The following GRIN2A variants were observed in gnomAD, a reference collection of about 807,000 sequenced individuals.
GRIN2A encodes glutamate receptor ionotropic, NMDA 2A.
GRIN2A carries 22 observed loss-of-function variants against 113.4 expected under a neutral mutation model. That is an observed-to-expected ratio of 0.19 (90% confidence interval 0.14 to 0.28). GRIN2A has a LOEUF of 0.28. Among genes scored for constraint, GRIN2A ranks in the 10% least tolerant of loss-of-function variants. The pLI, the probability that GRIN2A is intolerant of heterozygous loss-of-function variation, is 1.00. For missense variants in GRIN2A, 1,502 were observed against 1,887.0 expected (o/e 0.80, Z 3.78); for synonymous variants, 827 against 738.4 (o/e 1.12, Z -1.94).
At chr16:9,841,254 C>A (rs1056202456) in intron 5 of GRIN2A, 150 bp from the exon 6 acceptor site, 2 of 711,520 alleles carry the variant, frequency 2.8e-6, no homozygotes, top group Admixed American at 2.0e-5. Context: ...GAGTACATGA[C>A]AGCAAAAGCA....
intron 5 of GRIN2A, among the ~76,000 whole-genome samples, chr16:9,842,951 A>AGAGAGAG (rs1555495122): frequency 2.1e-5 from 3 of 145,138 alleles, no homozygotes; most frequent in African/African-American, 7.8e-5. Context: ...GAAAGAAAGA[A>AGAGAGAG]AGAGAGAGAG....
intron 2 of GRIN2A, among the ~76,000 whole-genome samples, chr16:10,163,561 C>T (rs1357501895): frequency 3.9e-5 from 6 of 152,224 alleles, no homozygotes; most frequent in East Asian, 1.9e-4. Context: ...GAAATGCTTC[C>T]GTTTTGCTTG....
intron 2 of GRIN2A, among the ~76,000 whole-genome samples, chr16:9,955,149 C>T (rs947208217): frequency 1.3e-5 from 2 of 152,214 alleles, no homozygotes; most frequent in African/African-American, 2.4e-5. Flanking sequence ...GCAGTGCTGA[C>T]CATTCAGTGT....
chr16:9,825,061 G>C (rs1021313219), intron 9 of GRIN2A, among the ~76,000 whole-genome samples: 1 of 152,178 alleles, frequency 6.6e-6, no homozygotes, highest in African/African-American at 2.4e-5. Context: ...CAAGACCACA[G>C]AACAATGTAA....
At position 9,758,405 on chromosome 16, in the gene GRIN2A, C is replaced by T. The variant is rs1240331631; in HGVS notation, c.*4744G>A. ...AAAGAAGGGGCCAAGAACGCCAACA[C>T]CCATATTCTACTTAGGCTCTGTCAT... is the stretch of plus-strand genomic sequence containing the variant. On this transcript the variant is annotated 3_prime_UTR_variant, in exon 13 of 13. Coordinates refer to ENST00000330684, the MANE Select transcript of GRIN2A (RefSeq NM_001134407.3). The T allele has an allele frequency of 4.5e-6, 1 of 222,742 alleles. No individual in the cohort carries two copies. The highest frequency in any genetic ancestry group is 2.2e-5 in the African/African-American group (1 of 44,750). 13.8% of individuals were successfully genotyped at this position (222,742 alleles called of 1,614,324 possible).
rs2141151325 is a variant in GRIN2A at position 9,769,060 on chromosome 16, G to A, written c.2386C>T (p.Leu796Phe). 6.2e-7 allele frequency: 1 copy of A among 1,613,918 alleles called. No individual in the cohort carries two copies. Among genetic ancestry groups the A allele is most frequent in the Non-Finnish European group, 8.5e-7 (1 of 1,179,794 alleles). The change falls in exon 12 of 13, where the codon CTC becomes TTC. Residue 796 changes from leucine to phenylalanine, a missense_variant. Coordinates refer to ENST00000330684, the MANE Select transcript of GRIN2A (RefSeq NM_001134407.3). Reference protein sequence around the residue: ...GEMEELETLWLTGICHNEKNE... With the variant: ...GEMEELETLWFTGICHNEKNE... ...TTCTCGTTGTGGCAGATCCCAGTGA[G>A]CCACAGGGTCTCCAGCTCCTCCATC...
chr16:9,884,981 C>T (rs1375603438), intron 4 of GRIN2A, among the ~76,000 whole-genome samples: 2 of 151,708 alleles, frequency 1.3e-5, no homozygotes, highest in Non-Finnish European at 2.9e-5. Flanking sequence ...TCGTGATCCA[C>T]CCACCTCGGC....
Position 9,901,231 on chromosome 16 carries a change from CTT to C in GRIN2A, c.1008-10133_1008-10132del, listed in dbSNP as rs199546342. On this transcript the variant is annotated intron_variant, in intron 3 of 12. Transcript: ENST00000330684. ...ATGAACAAAAGTCTCAACTCTCTGT[CTT>C]TTTGTTTTCTTTCGTTTTTCCTTTT... Among the ~76,000 whole-genome samples, 175 of 152,214 alleles carry C rather than the reference CTT, an allele frequency of 1.1e-3. No homozygotes were observed. In the East Asian group the frequency reaches 0.033, roughly 28 times the overall value.
rs780604478 is a variant in GRIN2A at position 9,992,261 on chromosome 16, C to A, written c.415-53710G>T. ...TGCAATCCTGGTTCTTAATAAGAAG[C>A]CTTCTCAGAGGATAAGCTAGTTTAT... On this transcript the variant is annotated intron_variant, in intron 2 of 12. Coordinates refer to ENST00000330684, the MANE Select transcript of GRIN2A (RefSeq NM_001134407.3). Among the ~76,000 whole-genome samples the A allele has an allele frequency of 2.6e-5, 4 of 151,986 alleles. 1 individual carries two copies. Among genetic ancestry groups the A allele is most frequent in the Admixed American group, 1.3e-4 (2 of 15,254 alleles).
intron 2 of GRIN2A, among the ~76,000 whole-genome samples, chr16:9,976,389 A>G (rs1049810716): frequency 4.6e-5 from 7 of 152,210 alleles, no homozygotes; most frequent in Non-Finnish European, 1.0e-4. Flanking sequence ...GGAGGACAGG[A>G]CACTAACTGG....
At chr16:10,156,288 G>A (rs546912924) in intron 2 of GRIN2A, among the ~76,000 whole-genome samples, 2 of 152,332 alleles carry the variant, frequency 1.3e-5, no homozygotes, top group East Asian at 1.9e-4. Flanking sequence ...CCTGATCATC[G>A]CATGTGGTCA....
intron 7 of GRIN2A, among the ~76,000 whole-genome samples, chr16:9,836,037 G>C (rs918140066): frequency 6.6e-6 from 1 of 152,126 alleles, no homozygotes; most frequent in African/African-American, 2.4e-5. Context: ...TTATGTCCCT[G>C]AAATAATAGC....
chr16:9,769,349 G>T, intron 11 of GRIN2A: 4 of 170,556 alleles, frequency 2.3e-5, no homozygotes, highest in East Asian at 1.5e-4. Context: ...AGAGAGTATA[G>T]CAAACTTATT....
intron 2 of GRIN2A, among the ~76,000 whole-genome samples, chr16:10,152,609 T>C (rs2049605569): frequency 6.6e-6 from 1 of 152,182 alleles, no homozygotes. Flanking sequence ...CATGTTCAGT[T>C]CACCATTGCC....
intron 2 of GRIN2A, among the ~76,000 whole-genome samples, chr16:10,027,048 G>A (rs191977481): frequency 1.3e-5 from 2 of 152,234 alleles, no homozygotes; most frequent in South Asian, 2.1e-4. Context: ...CTTATTATCA[G>A]CTGACACATT....
intron 2 of GRIN2A, chr16:10,111,476 A>G: frequency 3.1e-6 from 2 of 647,506 alleles, no homozygotes; most frequent in Non-Finnish European, 5.7e-6. Context: ...TGCCGCACCC[A>G]CAACAACTTC....
Position 9,760,374 on chromosome 16 carries a change from ATTTTTTTTTTTTT to A in GRIN2A, c.*2762_*2774del. ...AAATTGACCATCTGATCAGTAGTTG[ATTTTTTTTTTTTT>A]TTTTTTTTTTTGCTTGGGATCATCA... is the stretch of plus-strand genomic sequence containing the variant. On this transcript the variant is annotated 3_prime_UTR_variant, in exon 13 of 13. Coordinates refer to ENST00000330684, the MANE Select transcript of GRIN2A (RefSeq NM_001134407.3). 1 of 90,940 alleles carries A rather than the reference ATTTTTTTTTTTTT, an allele frequency of 1.1e-5. No individual in the cohort carries two copies. Among genetic ancestry groups the A allele is most frequent in the East Asian group, 1.6e-4 (1 of 6,144 alleles). 5.6% of individuals were successfully genotyped at this position (90,940 alleles called of 1,614,324 possible).
chr16:10,114,709 A>T (rs1415937924), intron 2 of GRIN2A, among the ~76,000 whole-genome samples: 1 of 152,244 alleles, frequency 6.6e-6, no homozygotes, highest in Non-Finnish European at 1.5e-5. Context: ...ACAGAGCCCA[A>T]AGCCTGTGCT....
chr16:10,174,778 T>C (rs1286940095), intron 2 of GRIN2A, among the ~76,000 whole-genome samples: 2 of 151,904 alleles, frequency 1.3e-5, no homozygotes, highest in Middle Eastern at 6.8e-3. Flanking sequence ...AATGAAATGA[T>C]GTAGTTAACT....
Sources: allele counts gnomAD v4.1 joint callset (sites outside exome capture counted in the v4.1 genomes callset), GRCh38; gene constraint gnomAD v4.1.1; transcripts MANE v1.5; gene names NCBI Gene and HGNC (gene_info 2026-07-23, HGNC 2026-07-21).